COL22A1: variants seen among roughly 807,000 people sequenced by gnomAD.
The protein encoded by COL22A1 is collagen type XXII alpha 1 chain, also known as collagen alpha-1(XXII) chain.
COL22A1 carries 221 observed loss-of-function variants against 248.9 expected under a neutral mutation model. The observed-to-expected ratio is 0.89, with a 90% CI of 0.80 to 0.99. COL22A1 has a LOEUF of 0.99. COL22A1 is among the 50% of genes least tolerant of loss of function. The pLI, the probability that COL22A1 is intolerant of heterozygous loss-of-function variation, is 0.00. For missense variants in COL22A1, 2,240 were observed against 2,179.0 expected, an observed-to-expected ratio of 1.03 and a Z score of -0.56; for synonymous variants, 891 against 793.4, an observed-to-expected ratio of 1.12 and a Z score of -2.07.
chr8:138,694,883 T>C lies in COL22A1; in HGVS notation c.2593-4A>G. On this transcript the variant is annotated splice_region_variant and splice_polypyrimidine_tract_variant and intron_variant, in intron 32 of 64. Coordinates refer to ENST00000303045, the MANE Select transcript of COL22A1 (RefSeq NM_152888.3). The stretch of plus-strand genomic sequence containing the variant: ...CTCCTTTGGGCCCTTGTTCTCCCTG[T>C]TGGTGAGAAGCATAGGGTAGAGTGG... 3 of 1,613,938 alleles carry C rather than the reference T, an allele frequency of 1.9e-6. No individual in the cohort carries two copies. Among genetic ancestry groups the C allele is most frequent in the Non-Finnish European group, 2.5e-6 (3 of 1,179,888 alleles).
At chr8:138,909,021 G>A (rs1219603687) in intron 1 of COL22A1, among the ~76,000 whole-genome samples, 1 of 152,192 alleles carries the variant, frequency 6.6e-6, no homozygotes, top group Non-Finnish European at 1.5e-5. Context: ...TGAGGAAACT[G>A]GACAAGCTGC....
At chr8:138,737,430 G>T in intron 23 of COL22A1, 94 bp downstream of exon 23, 1 of 881,470 alleles carries the variant, frequency 1.1e-6, no homozygotes, top group South Asian at 1.4e-5. Flanking sequence ...TGACCAGCAG[G>T]ATTCTGGCTG....
chr8:138,878,673 T>A (rs536702582), intron 2 of COL22A1, among the ~76,000 whole-genome samples: 1 of 152,350 alleles, frequency 6.6e-6, no homozygotes, highest in South Asian at 2.1e-4. Context: ...AAATAATGTA[T>A]GCCCATTTCC....
chr8:138,739,241 T>A (rs2131267703), intron 22 of COL22A1, among the ~76,000 whole-genome samples: 1 of 152,322 alleles, frequency 6.6e-6, no homozygotes, highest in South Asian at 2.1e-4. Context: ...CATTTCCATG[T>A]ACTTTTTTCC....
At chr8:138,896,476 C>T (rs1250719474) in intron 1 of COL22A1, among the ~76,000 whole-genome samples, 1 of 151,780 alleles carries the variant, frequency 6.6e-6, no homozygotes, top group African/African-American at 2.4e-5. Flanking sequence ...CTAAAAAATA[C>T]TCAATAAAGA....
intron 16 of COL22A1, among the ~76,000 whole-genome samples, chr8:138,769,231 G>GC (rs1016108998): frequency 2.4e-4 from 36 of 152,184 alleles, no homozygotes; most frequent in African/African-American, 8.4e-4. Flanking sequence ...ATGAATGGAT[G>GC]CAGGCACTGT....
At chr8:138,613,479 C>T (rs545724091) in intron 56 of COL22A1, among the ~76,000 whole-genome samples, 135 of 152,132 alleles carry the variant, frequency 8.9e-4, no homozygotes, top group Non-Finnish European at 1.4e-3. Flanking sequence ...TCTAGAACCA[C>T]GAGGCAACAC....
rs772319222 is a variant in COL22A1, at chr8:138,724,590, C to G, written c.2247+25G>C. 1.9e-6 allele frequency: 3 copies of G among 1,611,234 alleles called. No homozygotes were observed. The South Asian group carries it at 3.3e-5, about 18-fold the overall frequency. On this transcript the variant is annotated intron_variant, in intron 25 of 64. Coordinates refer to ENST00000303045, the MANE Select transcript of COL22A1 (RefSeq NM_152888.3). ...GCAATGGGGAGAGGGAGGAGGGGAG[C>G]AGGAAGATGTTTCCGAACACTCACC...
chr8:138,883,157 C>G lies in COL22A1; in HGVS notation c.16G>C (p.Gly6Arg), dbSNP rs1224691136. The stretch of plus-strand genomic sequence containing the variant: ...CAGAGGAGGCCAGCCACAGCGTTCC[C>G]TCGGAGGCCGGCCATGGCTCTCCTG... MAGLR[G>R]NAVAGLLWML... Residue 6 changes from glycine to arginine, a missense_variant, in exon 2 of 65, where the codon GGG becomes CGG. Transcript: ENST00000303045. 6.3e-7 allele frequency: 1 copy of G among 1,594,148 alleles called. No individual in the cohort carries two copies. Among genetic ancestry groups the G allele is most frequent in the South Asian group, 1.1e-5 (1 of 87,598 alleles).
intron 53 of COL22A1, among the ~76,000 whole-genome samples, chr8:138,618,596 C>A (rs1055917458): frequency 6.6e-6 from 1 of 152,196 alleles, no homozygotes; most frequent in South Asian, 2.1e-4. Flanking sequence ...TTTAAGAGAA[C>A]AGAAAATTTA....
At chr8:138,629,351 A>C (rs1166096652) in intron 50 of COL22A1, among the ~76,000 whole-genome samples, 2 of 151,576 alleles carry the variant, frequency 1.3e-5, no homozygotes, top group East Asian at 3.9e-4. Flanking sequence ...GAGGGGTTTC[A>C]TCATGTTGCC....
In COL22A1 at chr8:138,616,005, T is replaced by C; in HGVS notation, c.3920A>G (p.Lys1307Arg). The C allele has an allele frequency of 6.2e-7, 1 of 1,613,194 alleles. No homozygotes were observed. The highest frequency in any genetic ancestry group is 1.7e-4 in the Middle Eastern group (1 of 6,060). The change falls in exon 55 of 65, where the codon AAA (lysine) becomes AGA (arginine). Residue 1307 changes from lysine (K) to arginine (R), a missense_variant. Physicochemically the swap from Lys to Arg is conservative, Grantham distance 26. Transcript: ENST00000303045. ...GLPGQEGLPG[K>R]DGDTGPTGPQ... Reference sequence around the variant, plus strand: ...GTCCCACAGGACCCCACTTACATCTTTTCCTGGTAACCCTTCCTGACCAGG... The same window carrying C: ...GTCCCACAGGACCCCACTTACATCTCTTCCTGGTAACCCTTCCTGACCAGG...
Position 138,679,581 on chromosome 8 carries a change from G to A in COL22A1, c.3072+36C>T, listed in dbSNP as rs117365802. On this transcript the variant is annotated intron_variant, in intron 40 of 64. Transcript: ENST00000303045. ...CTGCCTCTGCCTGTCTTGTCCTTCT[G>A]TCTTTTTGCAAATGTTTGCATAGAT... is the stretch of plus-strand genomic sequence containing the variant. 4.0e-3 allele frequency: 6,289 copies of A among 1,588,784 alleles called. 13 individuals carry two copies. The highest frequency in any genetic ancestry group is 4.8e-3 in the Non-Finnish European group (5,553 of 1,157,192).
At chr8:138,884,952 C>T (rs1343696674) in intron 1 of COL22A1, among the ~76,000 whole-genome samples, 2 of 152,180 alleles carry the variant, frequency 1.3e-5, no homozygotes, top group Non-Finnish European at 2.9e-5. Flanking sequence ...TGATGACAAG[C>T]ACAGGCAAAT....
At chr8:138,895,653 G>A (rs1397304388) in intron 1 of COL22A1, among the ~76,000 whole-genome samples, 1 of 152,132 alleles carries the variant, frequency 6.6e-6, no homozygotes, top group East Asian at 1.9e-4. Flanking sequence ...AAAAAAGTGA[G>A]CAGAGCCTCA....
intron 62 of COL22A1, 91 bp downstream of exon 62, chr8:138,596,813 T>C (rs1817572037): frequency 8.3e-7 from 1 of 1,202,478 alleles, no homozygotes; most frequent in Non-Finnish European, 1.2e-6. Context: ...GTGCTTTTCT[T>C]ATTCCAGGAT....
chr8:138,715,924 G>A (rs972748025), intron 29 of COL22A1, among the ~76,000 whole-genome samples, 189 bp from the exon 30 acceptor site: 2 of 152,098 alleles, frequency 1.3e-5, no homozygotes, highest in Admixed American at 6.5e-5. Flanking sequence ...TCAGTTAGGC[G>A]TGAAGCACCT....
intron 49 of COL22A1, 100 bp from the exon 50 acceptor site, chr8:138,630,848 C>T: frequency 3.0e-6 from 3 of 1,011,118 alleles, no homozygotes; most frequent in Non-Finnish European, 4.7e-6. Context: ...GGTTGGTTAT[C>T]TGTCCCCTCC....
At chr8:138,636,824 T>C (rs1054527587) in intron 47 of COL22A1, 29 bp from the exon 48 acceptor site, 4 of 1,577,680 alleles carry the variant, frequency 2.5e-6, no homozygotes, top group African/African-American at 2.7e-5. Context: ...AAAAGAAAGA[T>C]GTCACTGGAA....
Sources: gnomAD v4.1 joint callset for allele counts (sites outside exome capture counted in the v4.1 genomes callset) on GRCh38, gnomAD v4.1.1 for gene constraint, MANE v1.5 for transcripts, NCBI Gene and HGNC (gene_info 2026-07-23, HGNC 2026-07-21) for gene names.